The following AMBRA1 variants were observed in gnomAD, a reference collection of about 807,000 sequenced individuals.
The protein encoded by AMBRA1 is activating molecule in BECN1-regulated autophagy protein 1.
In AMBRA1, 47 loss-of-function variants were observed where a neutral mutation model predicts 125.4. The ratio of observed to expected loss-of-function variants is 0.37; its 90% confidence interval spans 0.30 to 0.48. AMBRA1 has a LOEUF of 0.48. Ranked by LOEUF, AMBRA1 falls within the 20% of genes least tolerant of loss-of-function variation. The probability of loss-of-function intolerance (pLI) is 0.99; values close to 1 mark genes in which losing one functional copy is unlikely to be tolerated. For missense variants in AMBRA1, 1,331 were observed against 1,693.4 expected (o/e 0.79, Z 3.76); for synonymous variants, 626 against 655.5 (o/e 0.95, Z 0.69).
chr11:46,583,669 A>AAC (rs1565324567), intron 1 of AMBRA1, among the ~76,000 whole-genome samples: 1 of 141,976 alleles, frequency 7.0e-6, no homozygotes, highest in East Asian at 1.9e-4. Flanking sequence ...AAAAAAAAAA[A>AAC]AAAAAAAAAA....
chr11:46,405,713 G>A (rs904847652), intron 17 of AMBRA1, among the ~76,000 whole-genome samples: 1 of 152,012 alleles, frequency 6.6e-6, no homozygotes. Context: ...GTGACAGAGT[G>A]AGACTCTATC....
Position 46,543,503 on chromosome 11 carries a change from A to G in AMBRA1, c.619-105T>C, listed in dbSNP as rs1591076735. 2.8e-6 allele frequency: 4 copies of G among 1,439,324 alleles called. No homozygotes were observed. The East Asian group carries it at 9.2e-5, about 33-fold the overall frequency. The allele number at this position is 1,439,324 out of a possible 1,614,324, so 89.2% of individuals were successfully genotyped here. On this transcript the variant is annotated intron_variant, in intron 6 of 17. Coordinates refer to ENST00000683756, the MANE Select transcript of AMBRA1 (RefSeq NM_001387011.1). Reference sequence around the variant, plus strand: ...CCACTGACAATCATCCAAGGAAAACAATGTTCATAGGTAGGAAACAACTCT... The same window carrying G: ...CCACTGACAATCATCCAAGGAAAACGATGTTCATAGGTAGGAAACAACTCT...
intron 11 of AMBRA1, among the ~76,000 whole-genome samples, chr11:46,463,477 C>T (rs528948322): frequency 5.9e-5 from 9 of 152,262 alleles, no homozygotes; most frequent in East Asian, 1.9e-4. Context: ...TTGGACTATT[C>T]GACTGTCAGC....
At chr11:46,548,551 T>G in intron 1 of AMBRA1, 51 bp from the exon 2 acceptor site, 1 of 714,162 alleles carries the variant, frequency 1.4e-6, no homozygotes. Flanking sequence ...ACGAGAAGCT[T>G]CTAATTGCAA....
At chr11:46,438,132 A>T (rs1339332773) in intron 12 of AMBRA1, among the ~76,000 whole-genome samples, 1 of 152,308 alleles carries the variant, frequency 6.6e-6, no homozygotes, top group Admixed American at 6.5e-5. Flanking sequence ...GGCAAAAAAC[A>T]TATTGGAAAA....
chr11:46,589,498 A>C (rs1200670483), intron 1 of AMBRA1, among the ~76,000 whole-genome samples: 1 of 152,200 alleles, frequency 6.6e-6, no homozygotes, highest in East Asian at 1.9e-4. Context: ...TGCGGATTCC[A>C]CTCCAAAATA....
chr11:46,478,625 T>A (rs1248500774), intron 11 of AMBRA1, among the ~76,000 whole-genome samples: 1 of 150,958 alleles, frequency 6.6e-6, no homozygotes, highest in Non-Finnish European at 1.5e-5. Flanking sequence ...AGGCAAGATA[T>A]TTCTTGTTTT....
intron 12 of AMBRA1, among the ~76,000 whole-genome samples, chr11:46,439,965 C>T (rs1375331153): frequency 1.3e-5 from 2 of 151,754 alleles, no homozygotes; most frequent in Admixed American, 1.3e-4. Flanking sequence ...TTTGATAGTA[C>T]ATTCTATCAG....
At chr11:46,428,992 C>A in intron 14 of AMBRA1, 1 of 1,612,326 alleles carries the variant, frequency 6.2e-7, no homozygotes, top group South Asian at 1.1e-5. Flanking sequence ...AGCCTCGGGA[C>A]TTGAGAGACT....
chr11:46,400,473 GTTT>G (rs553040136), intron 17 of AMBRA1, among the ~76,000 whole-genome samples: 13 of 48,870 alleles, frequency 2.7e-4, no homozygotes, highest in East Asian at 2.0e-3. Flanking sequence ...TCTTTCTATA[GTTT>G]TTTTTTTTTT....
rs146536124 is a variant in AMBRA1 at position 46,551,688 on chromosome 11, T to C, written c.-120-3188A>G. Among the ~76,000 whole-genome samples the C allele has an allele frequency of 2.0e-3, 307 of 152,178 alleles. 2 individuals are homozygous for C. The highest frequency in any genetic ancestry group is 6.6e-3 in the African/African-American group (274 of 41,538). On this transcript the variant is annotated intron_variant, in intron 1 of 17. Coordinates refer to ENST00000683756, the MANE Select transcript of AMBRA1 (RefSeq NM_001387011.1). ...GAGTTTGAGACCAGCCTGGCCAACA[T>C]GGCAAAACCTACTCTACTAAAAATA...
intron 1 of AMBRA1, among the ~76,000 whole-genome samples, chr11:46,557,975 C>T (rs2043208333): frequency 6.6e-6 from 1 of 151,864 alleles, no homozygotes; most frequent in Admixed American, 6.6e-5. Flanking sequence ...CAGAGAGGAC[C>T]TGCATGATAA....
intron 17 of AMBRA1, among the ~76,000 whole-genome samples, chr11:46,407,509 G>C (rs981933365): frequency 2.6e-5 from 4 of 152,272 alleles, no homozygotes; most frequent in African/African-American, 9.6e-5. Flanking sequence ...GCTCACAGCG[G>C]AGGTTGGCTG....
At chr11:46,452,779 A>G (rs1359945763) in intron 11 of AMBRA1, among the ~76,000 whole-genome samples, 1 of 152,202 alleles carries the variant, frequency 6.6e-6, no homozygotes, top group Non-Finnish European at 1.5e-5. Flanking sequence ...TGGTACCTGG[A>G]AAAAGTCCCT....
In AMBRA1 at chr11:46,518,129, T is replaced by C; in HGVS notation, c.2073-5316A>G. 4.1e-6 allele frequency: 4 copies of C among 985,076 alleles called. No homozygotes were observed. The South Asian group carries it at 1.9e-4, about 46-fold the overall frequency. The allele number at this position is 985,076 out of a possible 1,614,324, so 61.0% of individuals were successfully genotyped here. A position where few individuals can be genotyped will look rare whatever the true frequency, so the allele number is the denominator to read the frequency against. On this transcript the variant is annotated intron_variant, in intron 7 of 17. Transcript: ENST00000683756. Reference sequence around the variant, plus strand: ...TGAAAAGAAAGAGATAGCCATTTGTTTTCAGAAGAATTACTCACGGCCAGG... The same window carrying C: ...TGAAAAGAAAGAGATAGCCATTTGTCTTCAGAAGAATTACTCACGGCCAGG...
intron 7 of AMBRA1, among the ~76,000 whole-genome samples, chr11:46,523,652 G>A (rs977882507): frequency 1.3e-5 from 2 of 152,126 alleles, no homozygotes; most frequent in Non-Finnish European, 2.9e-5. Flanking sequence ...CTGCTAAATC[G>A]ATACCTGTGT....
chr11:46,408,148 A>G (rs1946113762), intron 17 of AMBRA1, among the ~76,000 whole-genome samples: 1 of 152,222 alleles, frequency 6.6e-6, no homozygotes, highest in African/African-American at 2.4e-5. Context: ...TAGGGGGACG[A>G]CAAGCTAGGC....
intron 8 of AMBRA1, among the ~76,000 whole-genome samples, chr11:46,509,857 G>GT (rs1219641428): frequency 6.6e-6 from 1 of 152,078 alleles, no homozygotes; most frequent in African/African-American, 2.4e-5. Flanking sequence ...TAGATTTTCG[G>GT]TTTTTTAATG....
chr11:46,459,751 C>A (rs112581658), intron 11 of AMBRA1, among the ~76,000 whole-genome samples: 3 of 142,012 alleles, frequency 2.1e-5, no homozygotes, highest in African/African-American at 7.4e-5. Context: ...CACACACACA[C>A]ACACACACAC....
Sources: gnomAD v4.1 joint callset for allele counts (sites outside exome capture counted in the v4.1 genomes callset) on GRCh38, gnomAD v4.1.1 for gene constraint, MANE v1.5 for transcripts, NCBI Gene and HGNC (gene_info 2026-07-23, HGNC 2026-07-21) for gene names.